The following DNAH2 variants were observed in gnomAD, a reference collection of about 807,000 sequenced individuals.
The protein encoded by DNAH2 is axonemal beta dynein heavy chain 2.
A neutral mutation model predicts 523.5 loss-of-function variants in DNAH2; 323 were observed. That is an observed-to-expected ratio of 0.62 (90% confidence interval 0.56 to 0.68). The LOEUF (loss-of-function observed/expected upper bound fraction) is 0.68, where lower values mean the gene tolerates loss of function less well. DNAH2 is among the 30% of genes least tolerant of loss of function. The pLI, the probability that DNAH2 is intolerant of heterozygous loss-of-function variation, is 0.00. For synonymous variants in DNAH2, 2,093 were observed against 2,177.4 expected (o/e 0.96, Z 1.08); for missense variants, 4,907 against 5,701.5 (o/e 0.86, Z 4.49).
intron 63 of DNAH2, among the ~76,000 whole-genome samples, chr17:7,808,386 G>A (rs72841410): frequency 2.0e-5 from 3 of 147,660 alleles, no homozygotes; most frequent in Non-Finnish European, 3.0e-5. Flanking sequence ...AAAAAAAAAA[G>A]ATGCATGCAT....
chr17:7,807,555 C>T lies in DNAH2; in HGVS notation c.9698C>T (p.Ala3233Val), dbSNP rs187149776. The T allele has an allele frequency of 2.7e-5, 44 of 1,612,616 alleles. No individual in the cohort carries two copies. The highest frequency in any genetic ancestry group is 2.1e-4 in the South Asian group (19 of 91,088). The change falls in exon 63 of 86, where the codon GCG (alanine) becomes GTG (valine). Residue 3233 changes from alanine (A) to valine (V), a missense_variant. Transcript: ENST00000572933. This position sits in a 1 kb window ranked among gnomAD's most constrained non-coding sequence, Gnocchi z 5.6. ...GCTCAGCTTCGGGAGAAGCAAGCCG[C>T]GCTCGCTGAGGCCCAGGAGAAGCTG... ...ALAQLREKQA[A>V]LAEAQEKLRE...
In DNAH2 at chr17:7,759,405, T is replaced by G; in HGVS notation, c.2449-17T>G. The G allele has an allele frequency of 6.3e-7, 1 of 1,589,626 alleles. No individual in the cohort carries two copies. The highest frequency in any genetic ancestry group is 8.6e-7 in the Non-Finnish European group (1 of 1,166,462). The stretch of plus-strand genomic sequence containing the variant: ...CTTCCCTGAAAAGTTCTCTTTTTCC[T>G]CCCTCCATCCCATCAGATTCAGCAG... On this transcript the variant is annotated splice_polypyrimidine_tract_variant and intron_variant, in intron 15 of 85. Coordinates refer to ENST00000572933, the MANE Select transcript of DNAH2 (RefSeq NM_020877.5).
rs766549010 is a variant in DNAH2 at position 7,801,627 on chromosome 17, T to C, written c.8749T>C (p.Trp2917Arg). Residue 2917 changes from tryptophan (W) to arginine (R), a missense_variant, in exon 57 of 86, where the codon TGG (tryptophan) becomes CGG (arginine). Physicochemically the swap from Trp to Arg is moderately radical, Grantham distance 101. Coordinates refer to ENST00000572933, the MANE Select transcript of DNAH2 (RefSeq NM_020877.5). The part of the protein sequence containing the change: ...PALVNCTTIN[W>R]FSEWPQEALL... ...CTTGGTGAACTGCACAACCATCAAC[T>C]GGTTCTCAGAGTGGCCCCAAGAGGC... 10 of 1,614,178 alleles carry C rather than the reference T, an allele frequency of 6.2e-6. No homozygotes were observed. The highest frequency in any genetic ancestry group is 8.5e-6 in the Non-Finnish European group (10 of 1,180,026).
At chr17:7,758,713 G>T (rs1301576825) in intron 14 of DNAH2, 62 bp downstream of exon 14, 24 of 1,574,370 alleles carry the variant, frequency 1.5e-5, no homozygotes, top group Non-Finnish European at 1.8e-5. Flanking sequence ...ATACCTGAGT[G>T]TTGCATAGAG....
At chr17:7,793,664 T>C (rs532099213) in intron 48 of DNAH2, among the ~76,000 whole-genome samples, 2 of 152,114 alleles carry the variant, frequency 1.3e-5, no homozygotes, top group East Asian at 3.9e-4. Context: ...AAGGTCCCCA[T>C]ATGTTGGCCA....
chr17:7,771,783 C>A (rs1003826942), intron 28 of DNAH2, among the ~76,000 whole-genome samples: 2 of 151,922 alleles, frequency 1.3e-5, no homozygotes, highest in Non-Finnish European at 2.9e-5. Context: ...GTGGTGCGAT[C>A]TCGGCTCACT....
At chr17:7,805,674 A>C (rs2077348796) in intron 61 of DNAH2, among the ~76,000 whole-genome samples, 1 of 152,092 alleles carries the variant, frequency 6.6e-6, no homozygotes, top group African/African-American at 2.4e-5. Flanking sequence ...AACATGACGA[A>C]AACCCATCTC....
chr17:7,750,870 A>C (rs1314465265), intron 12 of DNAH2, among the ~76,000 whole-genome samples: 1 of 152,206 alleles, frequency 6.6e-6, no homozygotes, highest in Non-Finnish European at 1.5e-5. Flanking sequence ...TCTCCAATAA[A>C]GACGGTAAAA....
intron 28 of DNAH2, among the ~76,000 whole-genome samples, chr17:7,772,414 C>T (rs2076342291): frequency 6.6e-6 from 1 of 152,144 alleles, no homozygotes; most frequent in Admixed American, 6.5e-5. Context: ...TATTCCGTAA[C>T]AATTTATAAG....
chr17:7,810,290 C>G (rs903112851), intron 63 of DNAH2, among the ~76,000 whole-genome samples: 1 of 151,788 alleles, frequency 6.6e-6, no homozygotes, highest in African/African-American at 2.4e-5. Context: ...GTCTTGAACT[C>G]GTGGGCTCAA....
At chr17:7,719,583 C>A in intron 1 of DNAH2, 138 bp from the exon 2 acceptor site, 1 of 1,090,300 alleles carries the variant, frequency 9.2e-7, no homozygotes, top group Admixed American at 2.0e-5. Context: ...GTTAATGGAG[C>A]AGGGTGTGGG....
intron 77 of DNAH2, among the ~76,000 whole-genome samples, chr17:7,827,430 G>T (rs1268561133): frequency 6.6e-6 from 1 of 151,930 alleles, no homozygotes; most frequent in African/African-American, 2.4e-5. Context: ...TGAGGTAGAG[G>T]TCCAATTTTC....
At position 7,781,025 on chromosome 17, in the gene DNAH2, T is replaced by C. The variant is rs1322788632; in HGVS notation, c.6004-17T>C. ...CCCTGCCTCCTCAAGCCTGAGTCTC[T>C]GTCTTTTCCCATTCAGGTTCTGCTG... On this transcript the variant is annotated splice_polypyrimidine_tract_variant and intron_variant, in intron 38 of 85. Transcript: ENST00000572933. 6.2e-7 allele frequency: 1 copy of C among 1,613,544 alleles called. No homozygotes were observed. The highest frequency in any genetic ancestry group is 1.3e-5 in the African/African-American group (1 of 74,944).
chr17:7,824,567 T>C lies in DNAH2; in HGVS notation c.11693T>C (p.Leu3898Pro). ...GHWVFLANCH[L>P]SLSWMPNLDK... is the part of the protein sequence containing the mutation. The stretch of plus-strand genomic sequence containing the variant: ...TGGGTGTTCCTGGCAAACTGCCACC[T>C]GTCACTGTCTTGGATGCCTAATCTG... The change falls in exon 77 of 86, where the codon CTG (leucine) becomes CCG (proline). Residue 3898 changes from leucine to proline, a missense_variant. Physicochemically the swap from Leu to Pro is moderately conservative, Grantham distance 98. Coordinates refer to ENST00000572933, the MANE Select transcript of DNAH2 (RefSeq NM_020877.5). 2 of 1,578,722 alleles carry C rather than the reference T, an allele frequency of 1.3e-6. No homozygotes were observed. The highest frequency in any genetic ancestry group is 1.7e-6 in the Non-Finnish European group (2 of 1,156,170).
At chr17:7,719,044 A>T (rs919322791) in intron 1 of DNAH2, among the ~76,000 whole-genome samples, 1 of 151,442 alleles carries the variant, frequency 6.6e-6, no homozygotes, top group East Asian at 1.9e-4. Context: ...AGCTTGATAG[A>T]TCTTTTCCTG....
chr17:7,804,706 C>T (rs1256786046), intron 59 of DNAH2, among the ~76,000 whole-genome samples: 2 of 151,980 alleles, frequency 1.3e-5, no homozygotes, highest in East Asian at 3.9e-4. Context: ...ATTAGCTGGG[C>T]GTGGTGGCGG....
At chr17:7,759,262 C>G in intron 15 of DNAH2, 138 bp downstream of exon 15, 1 of 1,439,784 alleles carries the variant, frequency 6.9e-7, no homozygotes, top group South Asian at 1.4e-5. Context: ...TAGTCTTGGA[C>G]TCAGCCAACC....
At chr17:7,817,505 C>G in intron 65 of DNAH2, 56 bp from the exon 66 acceptor site, 2 of 1,613,556 alleles carry the variant, frequency 1.2e-6, no homozygotes, top group South Asian at 1.1e-5. Flanking sequence ...CGTGAAGGCG[C>G]GGGGGCTGCT....
chr17:7,753,536 G>C (rs1437682795), intron 12 of DNAH2, among the ~76,000 whole-genome samples: 2 of 152,148 alleles, frequency 1.3e-5, no homozygotes, highest in Admixed American at 1.3e-4. Context: ...TATTTACATG[G>C]GACACTGGAG....
Sources: gnomAD v4.1 joint callset for allele counts (sites outside exome capture counted in the v4.1 genomes callset) on GRCh38, gnomAD v4.1.1 for gene constraint, Gnocchi (gnomAD v3.1) non-coding constraint, MANE v1.5 for transcripts, NCBI Gene and HGNC (gene_info 2026-07-23, HGNC 2026-07-21) for gene names.